Variants in CPXM2 observed in about 807,000 individuals in gnomAD.
CPXM2 encodes carboxypeptidase X, M14 family member 2.
In CPXM2, 66 loss-of-function variants were observed where a neutral mutation model predicts 86.1. That is an observed-to-expected ratio of 0.77 (90% confidence interval 0.63 to 0.94). The LOEUF (loss-of-function observed/expected upper bound fraction) is 0.94, where lower values mean the gene tolerates loss of function less well. Among genes scored for constraint, CPXM2 ranks in the 40% least tolerant of loss-of-function variants. The pLI, the probability that CPXM2 is intolerant of heterozygous loss-of-function variation, is 0.00. For synonymous variants in CPXM2, 388 were observed against 400.2 expected, an observed-to-expected ratio of 0.97 and a Z score of 0.36; for missense variants, 948 against 1,026.3, an observed-to-expected ratio of 0.92 and a Z score of 1.04.
upstream of CPXM2, among the ~76,000 whole-genome samples, chr10:123,940,554 C>T (rs1945765635): frequency 1.3e-5 from 2 of 152,194 alleles, no homozygotes; most frequent in African/African-American, 2.4e-5. Context: ...GCCTTGGCTC[C>T]GGCTCTCAGT....
intron 3 of CPXM2, among the ~76,000 whole-genome samples, chr10:123,854,341 A>AATAT (rs200616929): frequency 2.4e-5 from 3 of 126,042 alleles, no homozygotes; most frequent in African/African-American, 6.5e-5. Flanking sequence ...CTAGTGAACA[A>AATAT]ATATATATAT....
chr10:123,800,796 A>G (rs1011406099), intron 4 of CPXM2, among the ~76,000 whole-genome samples: 4 of 152,082 alleles, frequency 2.6e-5, no homozygotes, highest in African/African-American at 4.8e-5. Context: ...AAAAAAAAAT[A>G]AGAATACCAA....
intron 4 of CPXM2, among the ~76,000 whole-genome samples, chr10:123,809,863 A>G (rs1847656033): frequency 6.6e-6 from 1 of 152,056 alleles, no homozygotes; most frequent in Admixed American, 6.6e-5. Flanking sequence ...AGGTGGGAAA[A>G]CTCAGATTAT....
At chr10:123,869,030 G>C (rs1375935907) in intron 2 of CPXM2, among the ~76,000 whole-genome samples, 1 of 152,144 alleles carries the variant, frequency 6.6e-6, no homozygotes, top group Non-Finnish European at 1.5e-5. Flanking sequence ...AGACGGGAGT[G>C]TTGCATAGGT....
At chr10:123,930,088 C>G (rs1945654883) in intron 2 of CPXM2, among the ~76,000 whole-genome samples, 1 of 152,220 alleles carries the variant, frequency 6.6e-6, no homozygotes, top group Admixed American at 6.5e-5. Context: ...CAGCCACCAG[C>G]CTGGTCCTTT....
rs1426414905 is a variant in CPXM2, at chr10:123,891,515, G to A, written c.145C>T (p.Arg49Cys). 1.3e-6 allele frequency: 2 copies of A among 1,547,940 alleles called. No individual in the cohort carries two copies. The highest frequency in any genetic ancestry group is 1.7e-6 in the Non-Finnish European group (2 of 1,145,362). The part of the protein sequence containing the change: ...EIWSREPYYA[R>C]PEPELETFSP... Reference sequence around the variant, plus strand: ...AAGGTCTCGAGCTCGGGCTCCGGGCGCGCGTAGTAGGGCTCCCGGCTCCAG... The same window carrying A: ...AAGGTCTCGAGCTCGGGCTCCGGGCACGCGTAGTAGGGCTCCCGGCTCCAG... Residue 49 changes from arginine (R) to cysteine (C), a missense_variant, in exon 1 of 14, where the codon CGC becomes TGC. By Grantham distance (180) the Arg-to-Cys change is radical. Transcript: ENST00000241305. This position sits in a 1 kb window ranked among gnomAD's most constrained non-coding sequence, Gnocchi z 5.6.
Sources: allele counts gnomAD v4.1 joint callset (sites outside exome capture counted in the v4.1 genomes callset), GRCh38; gene constraint gnomAD v4.1.1; non-coding constraint Gnocchi (gnomAD v3.1); transcripts MANE v1.5; gene names NCBI Gene and HGNC (gene_info 2026-07-23, HGNC 2026-07-21).